CNTNAP2: variants seen among roughly 807,000 people sequenced by gnomAD.
CNTNAP2 encodes the protein contactin-associated protein-like 2.
In CNTNAP2, 98 loss-of-function variants were observed where a neutral mutation model predicts 155.2. The ratio of observed to expected loss-of-function variants is 0.63; its 90% CI spans 0.54 to 0.75. CNTNAP2 has a LOEUF of 0.75. Ranked by LOEUF, CNTNAP2 falls within the 30% of genes least tolerant of loss-of-function variation. The pLI is 0.00. For synonymous variants in CNTNAP2, 651 were observed against 631.2 expected (o/e 1.03, Z -0.47); for missense variants, 1,727 against 1,688.1 (o/e 1.02, Z -0.40).
At chr7:147,028,780 T>G (rs1185431671) in intron 3 of CNTNAP2, among the ~76,000 whole-genome samples, 1 of 151,986 alleles carries the variant, frequency 6.6e-6, no homozygotes, top group African/African-American at 2.4e-5. Context: ...ATAACAGGAA[T>G]AAGCAAAATA....
intron 8 of CNTNAP2, among the ~76,000 whole-genome samples, chr7:147,139,192 C>A (rs554520127): frequency 1.3e-5 from 2 of 152,136 alleles, no homozygotes; most frequent in African/African-American, 4.8e-5. Flanking sequence ...TTAACATGTA[C>A]AGAATGATGT....
intron 1 of CNTNAP2, among the ~76,000 whole-genome samples, chr7:146,131,423 T>A (rs1797711521): frequency 6.6e-6 from 1 of 152,172 alleles, no homozygotes; most frequent in African/African-American, 2.4e-5. Context: ...TCTCACATAG[T>A]TTTTATTAGA....
At chr7:146,938,788 T>C (rs1476118147) in intron 3 of CNTNAP2, among the ~76,000 whole-genome samples, 1 of 152,138 alleles carries the variant, frequency 6.6e-6, no homozygotes, top group Non-Finnish European at 1.5e-5. Flanking sequence ...TCATTTTTAT[T>C]TTGTGTGCTC....
intron 10 of CNTNAP2, among the ~76,000 whole-genome samples, chr7:147,462,129 C>T (rs2116589789): frequency 6.6e-6 from 1 of 152,244 alleles, no homozygotes; most frequent in Middle Eastern, 3.4e-3. Flanking sequence ...ATCCACCCTG[C>T]AAACTCAGCT....
At chr7:146,330,108 C>T (rs7785923) in intron 1 of CNTNAP2, among the ~76,000 whole-genome samples, 42,501 of 147,840 alleles carry the variant, frequency 0.29, 6,188 homozygotes, top group Middle Eastern at 0.39. Flanking sequence ...CTGCAACCTC[C>T]GCCTCCCGGG....
At chr7:147,364,063 T>C (rs1004778219) in intron 9 of CNTNAP2, among the ~76,000 whole-genome samples, 3 of 152,184 alleles carry the variant, frequency 2.0e-5, no homozygotes, top group African/African-American at 7.2e-5. Flanking sequence ...AGTAAGATTC[T>C]AGTAGTTTTT....
intron 1 of CNTNAP2, among the ~76,000 whole-genome samples, chr7:146,549,358 A>G (rs1243303181): frequency 6.6e-6 from 1 of 152,052 alleles, no homozygotes; most frequent in Admixed American, 6.6e-5. Context: ...TTATTTGTTT[A>G]TATTGAATCA....
chr7:148,353,668 C>T (rs112422088), intron 21 of CNTNAP2, among the ~76,000 whole-genome samples: 5 of 151,776 alleles, frequency 3.3e-5, no homozygotes, highest in Admixed American at 2.0e-4. Flanking sequence ...CACACACACA[C>T]GCACACACAA....
chr7:148,055,863 T>C (rs1271612140), intron 15 of CNTNAP2, among the ~76,000 whole-genome samples: 1 of 152,184 alleles, frequency 6.6e-6, no homozygotes, highest in African/African-American at 2.4e-5. Context: ...GTTTCTTATA[T>C]TTTGGTCCCC....
chr7:146,524,594 C>T (rs1020280226), intron 1 of CNTNAP2, among the ~76,000 whole-genome samples: 1 of 152,110 alleles, frequency 6.6e-6, no homozygotes, highest in Non-Finnish European at 1.5e-5. Context: ...ATACTATCGT[C>T]GTCATGCCAG....
intron 4 of CNTNAP2, among the ~76,000 whole-genome samples, chr7:147,103,563 TA>T (rs1447285014): frequency 6.6e-6 from 1 of 152,108 alleles, no homozygotes; most frequent in African/African-American, 2.4e-5. Flanking sequence ...ACATTTTTAC[TA>T]TTTTTTTAGA....
chr7:148,157,064 A>G (rs1381917738), intron 17 of CNTNAP2, among the ~76,000 whole-genome samples: 1 of 152,152 alleles, frequency 6.6e-6, no homozygotes, highest in Non-Finnish European at 1.5e-5. Context: ...CATCCTCTCC[A>G]TTTACTTATG....
At chr7:146,983,918 A>G (rs976841868) in intron 3 of CNTNAP2, among the ~76,000 whole-genome samples, 3 of 152,202 alleles carry the variant, frequency 2.0e-5, no homozygotes, top group Non-Finnish European at 4.4e-5. Context: ...AAAAAGACCT[A>G]CTTAGAAGAT....
At chr7:147,250,672 G>GTGA (rs942331066) in intron 8 of CNTNAP2, among the ~76,000 whole-genome samples, 2 of 152,030 alleles carry the variant, frequency 1.3e-5, no homozygotes, top group Non-Finnish European at 2.9e-5. Context: ...TGGCCTGAAG[G>GTGA]TGATGATCTA....
chr7:146,590,186 C>T (rs1052793317), intron 1 of CNTNAP2, among the ~76,000 whole-genome samples: 2 of 152,164 alleles, frequency 1.3e-5, no homozygotes, highest in Non-Finnish European at 2.9e-5. Flanking sequence ...GGTCATGCCA[C>T]AAGTTGTTTC....
chr7:146,250,834 A>T (rs2116942890), intron 1 of CNTNAP2, among the ~76,000 whole-genome samples: 1 of 152,270 alleles, frequency 6.6e-6, no homozygotes, highest in Middle Eastern at 3.4e-3. Context: ...ATTGAGGAGG[A>T]TAGCATTTAA....
intron 1 of CNTNAP2, among the ~76,000 whole-genome samples, chr7:146,575,489 G>A (rs1307665777): frequency 6.6e-6 from 1 of 152,140 alleles, no homozygotes; most frequent in Non-Finnish European, 1.5e-5. Context: ...TTGGGGAATA[G>A]ATTTTTAAAA....
chr7:146,359,695 C>A (rs1795054147), intron 1 of CNTNAP2, among the ~76,000 whole-genome samples: 1 of 152,082 alleles, frequency 6.6e-6, no homozygotes, highest in South Asian at 2.1e-4. Flanking sequence ...TAATATTAAT[C>A]TTATTATAAT....
intron 3 of CNTNAP2, among the ~76,000 whole-genome samples, chr7:146,944,115 G>A (rs1428732548): frequency 6.6e-6 from 1 of 150,588 alleles, no homozygotes; most frequent in South Asian, 2.1e-4. Flanking sequence ...ATCATTTATG[G>A]TAGTAAATTA....
Sources: allele counts gnomAD v4.1 joint callset (sites outside exome capture counted in the v4.1 genomes callset), GRCh38; gene constraint gnomAD v4.1.1; transcripts MANE v1.5; gene names NCBI Gene and HGNC (gene_info 2026-07-23, HGNC 2026-07-21).